Variants in WWTR1 observed in about 807,000 individuals in gnomAD.
The protein encoded by WWTR1 is WW domain-containing transcription regulator protein 1.
A neutral mutation model predicts 40.1 loss-of-function variants in WWTR1; 13 were observed. The ratio of observed to expected loss-of-function variants is 0.32; its 90% CI spans 0.21 to 0.52. The LOEUF is 0.52. Among genes scored for constraint, WWTR1 ranks in the 20% least tolerant of loss-of-function variants. The pLI, the probability that WWTR1 is intolerant of heterozygous loss-of-function variation, is 0.97. For missense variants in WWTR1, 436 were observed against 523.1 expected (o/e 0.83, Z 1.63); for synonymous variants, 230 against 210.1 (o/e 1.09, Z -0.82).
At chr3:149,653,134 CAAATG>C (rs1388968271) in intron 2 of WWTR1, among the ~76,000 whole-genome samples, 4 of 152,142 alleles carry the variant, frequency 2.6e-5, no homozygotes, top group African/African-American at 9.7e-5. Context: ...TCACGTTACT[CAAATG>C]AAAGATTTTT....
intron 3 of WWTR1, among the ~76,000 whole-genome samples, chr3:149,568,686 A>G (rs1258228839): frequency 6.6e-6 from 1 of 152,208 alleles, no homozygotes; most frequent in Non-Finnish European, 1.5e-5. Flanking sequence ...AGGATGACTA[A>G]GTAATGGGTC....
intron 2 of WWTR1, among the ~76,000 whole-genome samples, chr3:149,591,202 A>G (rs927886804): frequency 1.3e-5 from 2 of 152,220 alleles, no homozygotes; most frequent in East Asian, 1.9e-4. Context: ...AGGAAGAGGT[A>G]AAAGGACTCT....
At chr3:149,620,187 C>T (rs972075804) in intron 2 of WWTR1, among the ~76,000 whole-genome samples, 1 of 152,174 alleles carries the variant, frequency 6.6e-6, no homozygotes, top group Non-Finnish European at 1.5e-5. Flanking sequence ...TTCTTAACCA[C>T]TACACCAGAT....
At chr3:149,659,958 GC>G (rs1388362564), upstream of WWTR1, 13 of 129,116 alleles carry the variant, frequency 1.0e-4, no homozygotes, top group Non-Finnish European at 2.1e-4. Flanking sequence ...TCACTCTATT[GC>G]CCAGGATGGA....
chr3:149,689,380 C>CAAAAAAAAAAAAAAAAAAAAAAAA (rs3044083), intron 1 of WWTR1, among the ~76,000 whole-genome samples: 1 of 36,712 alleles, frequency 2.7e-5, no homozygotes, highest in Non-Finnish European at 4.5e-5. Flanking sequence ...GAACCTATCT[C>CAAAAAAAAAAAAAAAAAAAAAAAA]AAAAAAAAAA....
chr3:149,541,274 A>G (rs984912994), intron 4 of WWTR1, among the ~76,000 whole-genome samples: 2 of 152,206 alleles, frequency 1.3e-5, no homozygotes, highest in African/African-American at 4.8e-5. Context: ...TCTTCCATAG[A>G]CCAAGCCACT....
At chr3:149,555,168 C>A (rs1040660500) in intron 3 of WWTR1, among the ~76,000 whole-genome samples, 1 of 152,154 alleles carries the variant, frequency 6.6e-6, no homozygotes, top group Non-Finnish European at 1.5e-5. Context: ...CAGCTGTGTT[C>A]CACACGGAAT....
intron 2 of WWTR1, among the ~76,000 whole-genome samples, chr3:149,606,833 G>T (rs1343432377): frequency 2.6e-5 from 4 of 152,182 alleles, no homozygotes; most frequent in Non-Finnish European, 5.9e-5. Context: ...GATGATAAAG[G>T]CAGAGAAGGA....
At chr3:149,666,204 A>G (rs891079038) in intron 2 of WWTR1, among the ~76,000 whole-genome samples, 2 of 145,204 alleles carry the variant, frequency 1.4e-5, no homozygotes, top group Non-Finnish European at 3.0e-5. Flanking sequence ...TATGGGCTCT[A>G]CTATTATCTC....
chr3:149,632,468 C>G (rs1711591392), intron 2 of WWTR1, among the ~76,000 whole-genome samples: 1 of 152,194 alleles, frequency 6.6e-6, no homozygotes, highest in South Asian at 2.1e-4. Context: ...TGACTGCTCT[C>G]TGACATTGAT....
At chr3:149,714,084 G>A (rs1207778630) in intron 5 of WWTR1, among the ~76,000 whole-genome samples, 4 of 152,248 alleles carry the variant, frequency 2.6e-5, no homozygotes, top group Non-Finnish European at 5.9e-5. Flanking sequence ...AGAGCAGTGC[G>A]GTCGGACGTG....
At chr3:149,602,217 G>A (rs764563452) in intron 2 of WWTR1, among the ~76,000 whole-genome samples, 8 of 152,108 alleles carry the variant, frequency 5.3e-5, no homozygotes, top group Non-Finnish European at 1.2e-4. Context: ...GAAAACCAAA[G>A]GCAAAGTTCA....
chr3:149,582,637 G>A (rs939937590), intron 2 of WWTR1, among the ~76,000 whole-genome samples: 5 of 151,992 alleles, frequency 3.3e-5, no homozygotes, highest in Admixed American at 6.6e-5. Context: ...AGGCTGAAGC[G>A]GAAGATTACT....
upstream of WWTR1, among the ~76,000 whole-genome samples, chr3:149,706,856 A>G (rs1468515257): frequency 6.6e-6 from 1 of 152,164 alleles, no homozygotes; most frequent in Non-Finnish European, 1.5e-5. Context: ...CAAAGCAGCA[A>G]TATTTCAGTT....
At chr3:149,702,063 CAAA>C (rs550708809) in intron 1 of WWTR1, 29 of 139,602 alleles carry the variant, frequency 2.1e-4, no homozygotes, top group East Asian at 9.9e-4. Context: ...GCAGATGTAA[CAAA>C]AAAAAAAAAA....
intron 2 of WWTR1, among the ~76,000 whole-genome samples, chr3:149,665,227 C>CTTTTT (rs11398199): frequency 8.6e-5 from 11 of 128,246 alleles, no homozygotes; most frequent in African/African-American, 1.5e-4. Context: ...TCCTTTCTTT[C>CTTTTT]TTTTTTTTTT....
chr3:149,613,915 A>G (rs1257962656), intron 2 of WWTR1, among the ~76,000 whole-genome samples: 2 of 150,844 alleles, frequency 1.3e-5, no homozygotes, highest in Non-Finnish European at 3.0e-5. Context: ...ACTCACGGTG[A>G]AAAAAAAAAT....
At chr3:149,717,312 G>A (rs1715637628) in intron 5 of WWTR1, 1 of 152,160 alleles carries the variant, frequency 6.6e-6, no homozygotes, top group African/African-American at 2.4e-5. Context: ...TAAAAACAAT[G>A]AAAAGTTAGC....
chr3:149,713,026 C>G (rs909499832), intron 5 of WWTR1, among the ~76,000 whole-genome samples: 3 of 152,150 alleles, frequency 2.0e-5, no homozygotes, highest in African/African-American at 7.2e-5. Flanking sequence ...ACACTGTCTC[C>G]CAAACATTTG....
Sources: allele counts gnomAD v4.1 joint callset (sites outside exome capture counted in the v4.1 genomes callset), GRCh38; gene constraint gnomAD v4.1.1; transcripts MANE v1.5; gene names NCBI Gene and HGNC (gene_info 2026-07-23, HGNC 2026-07-21).